CLDN16: variants seen among roughly 807,000 people sequenced by gnomAD.
CLDN16 encodes the protein claudin-16.
Under a neutral mutation model 24.6 loss-of-function variants are expected in CLDN16, and 13 were observed. The observed-to-expected ratio is 0.53, with a 90% CI of 0.34 to 0.84. The LOEUF is 0.84. CLDN16 is among the 40% of genes least tolerant of loss of function. CLDN16 has a pLI of 0.01. For synonymous variants in CLDN16, 116 were observed against 106.7 expected (o/e 1.09, Z -0.54); for missense variants, 298 against 292.7 (o/e 1.02, Z -0.13).
upstream of CLDN16, chr3:190,322,035 T>C (rs1393518010): frequency 1.2e-6 from 2 of 1,614,096 alleles, no homozygotes; most frequent in Non-Finnish European, 1.7e-6. Context: ...TGCCCGGTGC[T>C]CTGCGACACG....
chr3:190,363,593 TA>T (rs1403084801), intron 1 of CLDN16, among the ~76,000 whole-genome samples: 2 of 139,354 alleles, frequency 1.4e-5, no homozygotes, highest in African/African-American at 5.3e-5. Flanking sequence ...TATATATATA[TA>T]TATTTTCTTT....
At chr3:190,293,852 C>G in the CLDN16 span, among the ~76,000 whole-genome samples, 1 of 152,146 alleles carries the variant, frequency 6.6e-6, no homozygotes, top group African/African-American at 2.4e-5. Context: ...GACAAAGGGT[C>G]TAAAAGAGGG....
chr3:190,401,906 A>G (rs906853827), intron 1 of CLDN16, among the ~76,000 whole-genome samples: 2 of 152,132 alleles, frequency 1.3e-5, no homozygotes, highest in African/African-American at 4.8e-5. Flanking sequence ...AAGAAACAAT[A>G]TATATTTTTA....
At chr3:190,320,476 T>C (rs1021222589), upstream of CLDN16, among the ~76,000 whole-genome samples, 2 of 152,170 alleles carry the variant, frequency 1.3e-5, no homozygotes, top group African/African-American at 4.8e-5. Flanking sequence ...CTGAGGGCAA[T>C]GAGCAACACA....
chr3:190,298,369 A>G, the CLDN16 span, among the ~76,000 whole-genome samples: 1 of 151,746 alleles, frequency 6.6e-6, no homozygotes, highest in Non-Finnish European at 1.5e-5. Flanking sequence ...ACACACACAC[A>G]CACACACCTT....
chr3:190,410,134 C>T lies in CLDN16; in HGVS notation c.*98C>T, dbSNP rs1719239131. 7.4e-7 allele frequency: 1 copy of T among 1,344,090 alleles called. No individual in the cohort carries two copies. The highest frequency in any genetic ancestry group is 1.7e-5 in the Admixed American group (1 of 58,656). 83.3% of individuals were successfully genotyped at this position (1,344,090 alleles called of 1,614,324 possible). On this transcript the variant is annotated 3_prime_UTR_variant, in exon 5 of 5. Coordinates refer to ENST00000264734, the MANE Select transcript of CLDN16 (RefSeq NM_006580.4). ...AATCCAGGAACAGTTATTTAGAATT[C>T]ATATTGAATTAAATTAATTGCTAGC...
intron 1 of CLDN16, among the ~76,000 whole-genome samples, chr3:190,331,054 A>G (rs904030288): frequency 6.6e-6 from 1 of 152,204 alleles, no homozygotes; most frequent in African/African-American, 2.4e-5. Flanking sequence ...CAACATTGCA[A>G]AAGTCCCACA....
chr3:190,315,786 A>C, the CLDN16 span, among the ~76,000 whole-genome samples: 1 of 152,206 alleles, frequency 6.6e-6, no homozygotes, highest in African/African-American at 2.4e-5. Flanking sequence ...ACAGAAGGTC[A>C]CTTGCCCAGC....
the CLDN16 span, among the ~76,000 whole-genome samples, chr3:190,290,987 A>G: frequency 6.6e-6 from 1 of 152,296 alleles, no homozygotes; most frequent in South Asian, 2.1e-4. Flanking sequence ...TTAGAGAGTA[A>G]TGAGGGGCTG....
chr3:190,351,970 C>T (rs1212408272), intron 1 of CLDN16, among the ~76,000 whole-genome samples: 1 of 152,026 alleles, frequency 6.6e-6, no homozygotes. Flanking sequence ...CTAGCAAGTA[C>T]AGCAAAATGT....
At chr3:190,297,961 A>C in the CLDN16 span, among the ~76,000 whole-genome samples, 1 of 152,014 alleles carries the variant, frequency 6.6e-6, no homozygotes, top group South Asian at 2.1e-4. Flanking sequence ...TTTGATGGAC[A>C]GCAACGTGGC....
intron 1 of CLDN16, among the ~76,000 whole-genome samples, chr3:190,352,657 G>A (rs545096482): frequency 2.0e-5 from 3 of 152,002 alleles, no homozygotes; most frequent in South Asian, 2.1e-4. Context: ...CTTTTTCTCC[G>A]TGTCTCATTA....
the CLDN16 span, among the ~76,000 whole-genome samples, chr3:190,314,475 A>AC: frequency 6.6e-6 from 1 of 151,986 alleles, no homozygotes; most frequent in Non-Finnish European, 1.5e-5. Flanking sequence ...GCTCACTGCA[A>AC]CCTCTGCCTC....
intron 1 of CLDN16, among the ~76,000 whole-genome samples, chr3:190,355,279 TG>T (rs1335268085): frequency 3.9e-5 from 6 of 152,074 alleles, no homozygotes; most frequent in East Asian, 3.9e-4. Flanking sequence ...TCTTTAACTT[TG>T]TTTTTTTAAT....
At chr3:190,359,346 C>T (rs2108640402) in intron 1 of CLDN16, among the ~76,000 whole-genome samples, 1 of 152,152 alleles carries the variant, frequency 6.6e-6, no homozygotes, top group South Asian at 2.1e-4. Flanking sequence ...AATGCCTATG[C>T]AGTATTGTCA....
intron 1 of CLDN16, among the ~76,000 whole-genome samples, chr3:190,336,321 T>G (rs1009483068): frequency 1.3e-5 from 2 of 152,160 alleles, no homozygotes; most frequent in African/African-American, 2.4e-5. Flanking sequence ...CAGATGTGCT[T>G]CAGAGAGTGG....
intron 1 of CLDN16, among the ~76,000 whole-genome samples, chr3:190,346,150 C>A (rs75716288): frequency 0.03 from 4,494 of 151,688 alleles, 109 homozygotes; most frequent in East Asian, 0.082. Context: ...GAATTTACAC[C>A]GAGACCGAAG....
chr3:190,320,403 T>C (rs1174752675), upstream of CLDN16, among the ~76,000 whole-genome samples: 1 of 152,212 alleles, frequency 6.6e-6, no homozygotes, highest in Non-Finnish European at 1.5e-5. Flanking sequence ...TATATTTATC[T>C]TTCCATGGAG....
upstream of CLDN16, among the ~76,000 whole-genome samples, chr3:190,319,514 C>T (rs1186898833): frequency 1.3e-5 from 2 of 152,146 alleles, no homozygotes. Flanking sequence ...TGTATTCCTT[C>T]AGATACTTTA....
Sources: allele counts gnomAD v4.1 joint callset (sites outside exome capture counted in the v4.1 genomes callset), GRCh38; gene constraint gnomAD v4.1.1; transcripts MANE v1.5; gene names NCBI Gene and HGNC (gene_info 2026-07-23, HGNC 2026-07-21).